Variants in HEATR3 observed in about 807,000 individuals in gnomAD.
HEATR3 encodes HEAT repeat-containing protein 3.
A neutral mutation model predicts 72.8 loss-of-function variants in HEATR3; 56 were observed. That is an observed-to-expected ratio of 0.77 (90% CI 0.62 to 0.96). HEATR3 has a LOEUF of 0.96. HEATR3 is among the 40% of genes least tolerant of loss of function. HEATR3 has a pLI of 0.00. For synonymous variants in HEATR3, 331 were observed against 318.1 expected, an observed-to-expected ratio of 1.04 and a Z score of -0.43; for missense variants, 747 against 831.4, an observed-to-expected ratio of 0.90 and a Z score of 1.25.
At chr16:50,103,230 C>G (rs1474635953) in intron 14 of HEATR3, among the ~76,000 whole-genome samples, 1 of 152,236 alleles carries the variant, frequency 6.6e-6, no homozygotes, top group Non-Finnish European at 1.5e-5. Flanking sequence ...AAACAGTGAA[C>G]TGGGAAAATA....
intron 12 of HEATR3, among the ~76,000 whole-genome samples, chr16:50,095,172 G>A (rs781412320): frequency 6.6e-6 from 1 of 150,888 alleles, no homozygotes; most frequent in Admixed American, 6.6e-5. Context: ...GGAGTGCAGT[G>A]GCATGATCTC....
intron 12 of HEATR3, 41 bp downstream of exon 12, chr16:50,094,834 T>C: frequency 7.8e-7 from 1 of 1,281,696 alleles, no homozygotes; most frequent in Non-Finnish European, 1.1e-6. Flanking sequence ...TTGTAAAGAT[T>C]GTGTATTATG....
rs576085304 is a variant in HEATR3, at chr16:50,094,578, T to G, written c.1511-127T>G. 3.6e-4 allele frequency: 195 copies of G among 536,750 alleles called. 1 individual carries two copies. Among genetic ancestry groups the G allele is most frequent in the East Asian group, 3.1e-3 (92 of 29,658 alleles). 33.2% of individuals were successfully genotyped at this position (536,750 alleles called of 1,614,324 possible). On this transcript the variant is annotated intron_variant, in intron 11 of 14. Coordinates refer to ENST00000299192, the MANE Select transcript of HEATR3 (RefSeq NM_182922.4). ...TTTGGCTTAAATATCGAGGGTTTTTTTTTGTTTGTTTGTTTTATTAAGAAT... is the reference window on the plus strand; with the variant it reads ...TTTGGCTTAAATATCGAGGGTTTTTGTTTGTTTGTTTGTTTTATTAAGAAT...
chr16:50,069,953 G>A (rs569766215), intron 3 of HEATR3, among the ~76,000 whole-genome samples: 1 of 152,262 alleles, frequency 6.6e-6, no homozygotes, highest in African/African-American at 2.4e-5. Flanking sequence ...GAAGGTGCTA[G>A]GTAGAAGCTC....
Position 50,078,954 on chromosome 16 carries a change from A to T in HEATR3, c.977A>T (p.Glu326Val). 1.2e-6 allele frequency: 2 copies of T among 1,613,984 alleles called. No homozygotes were observed. Among genetic ancestry groups the T allele is most frequent in the Non-Finnish European group, 1.7e-6 (2 of 1,179,962 alleles). ...TNGDDLIEDD[E>V]MEGISHKRRV... ...GGGGATGATTTGATTGAAGATGATG[A>T]AATGGAAGGAATTTCTCATAAAAGA... Residue 326 changes from glutamate to valine, a missense_variant, in exon 7 of 15, where the codon GAA (glutamate) becomes GTA (valine). By Grantham distance (121) the Glu-to-Val change is moderately radical (BLOSUM62 -2). This residue lies in a region of HEATR3 where 586 missense variants were observed against 708.8 expected (regional missense o/e 0.83). Coordinates refer to ENST00000299192, the MANE Select transcript of HEATR3 (RefSeq NM_182922.4).
intron 13 of HEATR3, 194 bp downstream of exon 13, chr16:50,100,567 A>G: frequency 1.9e-6 from 1 of 527,610 alleles, no homozygotes; most frequent in African/African-American, 2.0e-5. Context: ...AGTATTTGAA[A>G]AGTTGAGCCA....
chr16:50,090,997 T>C (rs1465181360), intron 11 of HEATR3, among the ~76,000 whole-genome samples: 1 of 151,470 alleles, frequency 6.6e-6, no homozygotes, highest in Non-Finnish European at 1.5e-5. Context: ...ATACGAAAAT[T>C]AGCTTGGCAT....
chr16:50,075,694 T>TCCATTG lies in HEATR3; in HGVS notation c.746_747insCCATTG (p.Leu249delinsPheHisTrp). The TCCATTG allele has an allele frequency of 6.2e-7, 1 of 1,613,040 alleles. No individual in the cohort carries two copies. The highest frequency in any genetic ancestry group is 8.5e-7 in the Non-Finnish European group (1 of 1,179,188). ...GTCAGTTCCATGGAATCTCTTCTAT[T>TCCATTG]GAAGACATTGGTAGCAGGTAAAATT... is the stretch of plus-strand genomic sequence containing the variant. On this transcript the variant is annotated protein_altering_variant, in exon 6 of 15. Coordinates refer to ENST00000299192, the MANE Select transcript of HEATR3 (RefSeq NM_182922.4).
intron 5 of HEATR3, chr16:50,075,033 C>G (rs1481198830): frequency 6.7e-6 from 1 of 149,978 alleles, no homozygotes; most frequent in African/African-American, 2.5e-5. Flanking sequence ...AAGTGTAGAT[C>G]TGGCTGGGCA....
In HEATR3 at chr16:50,066,142, G is replaced by A. The variant is rs370751954; in HGVS notation, c.11G>A (p.Ser4Asn). The A allele has an allele frequency of 9.4e-6, 15 of 1,596,310 alleles. No individual in the cohort carries two copies. The African/African-American group carries it at 1.9e-4, about 20-fold the overall frequency. Residue 4 changes from serine to asparagine, a missense_variant, in exon 1 of 15, where the codon AGC becomes AAC. Around this residue, in one of 2 missense-constraint regions of HEATR3, gnomAD observed 161 missense variants for 122.6 expected, o/e 1.31. Coordinates refer to ENST00000299192, the MANE Select transcript of HEATR3 (RefSeq NM_182922.4). ...CCAGCGCACGTCACCATGGGCAAGAGCCGGACGAAGCGCTTCAAGCGACCT... is the reference window on the plus strand; with the variant it reads ...CCAGCGCACGTCACCATGGGCAAGAACCGGACGAAGCGCTTCAAGCGACCT... MGK[S>N]RTKRFKRPQF...
At chr16:50,068,915 T>A (rs1458280110) in intron 3 of HEATR3, 48 bp downstream of exon 3, 1 of 1,386,378 alleles carries the variant, frequency 7.2e-7, no homozygotes, top group East Asian at 2.3e-5. Flanking sequence ...GGATGCAAAC[T>A]TAGACTTTTT....
chr16:50,095,172 G>C (rs781412320), intron 12 of HEATR3, among the ~76,000 whole-genome samples: 39 of 151,000 alleles, frequency 2.6e-4, no homozygotes, highest in Middle Eastern at 3.4e-3. Flanking sequence ...GGAGTGCAGT[G>C]GCATGATCTC....
intron 11 of HEATR3, among the ~76,000 whole-genome samples, chr16:50,087,158 G>A (rs958377088): frequency 6.6e-6 from 1 of 152,108 alleles, no homozygotes; most frequent in Non-Finnish European, 1.5e-5. Flanking sequence ...GTATAAGAGA[G>A]CGTGTGTATG....
chr16:50,074,906 CAG>C (rs2036690193), intron 5 of HEATR3: 1 of 151,914 alleles, frequency 6.6e-6, no homozygotes, highest in Non-Finnish European at 1.5e-5. Flanking sequence ...GGTGTGAACC[CAG>C]GAGGCGGAGC....
chr16:50,104,274 G>A (rs961408839), intron 14 of HEATR3, among the ~76,000 whole-genome samples: 28 of 152,150 alleles, frequency 1.8e-4, no homozygotes, highest in Admixed American at 4.6e-4. Context: ...GATCACTTGC[G>A]TCCGGGAGGT....
At chr16:50,096,319 CG>C (rs1301469075) in intron 12 of HEATR3, among the ~76,000 whole-genome samples, 1 of 72,382 alleles carries the variant, frequency 1.4e-5, no homozygotes, top group East Asian at 4.1e-4. Context: ...AGCAAGACTC[CG>C]TCTCAAAAAA....
chr16:50,076,214 T>G (rs577727265), intron 6 of HEATR3, among the ~76,000 whole-genome samples: 1 of 152,288 alleles, frequency 6.6e-6, no homozygotes, highest in South Asian at 2.1e-4. Context: ...TTTTATTGTT[T>G]TGAGATGGAG....
At chr16:50,101,601 C>CT (rs2037367204) in intron 13 of HEATR3, among the ~76,000 whole-genome samples, 1 of 152,194 alleles carries the variant, frequency 6.6e-6, no homozygotes, top group Non-Finnish European at 1.5e-5. Flanking sequence ...TTATTCTCAC[C>CT]TCCTGGATCA....
Position 50,066,455 on chromosome 16 carries a change from C to A in HEATR3, c.227C>A (p.Ala76Glu). ...VQQRPALPGL[A>E]RRDAVRRLGP... ...CAGCGGCCGGCACTCCCGGGCCTGGCGCGACGAGACGCCGTGCGCCGCCTC... is the reference window on the plus strand; with the variant it reads ...CAGCGGCCGGCACTCCCGGGCCTGGAGCGACGAGACGCCGTGCGCCGCCTC... Residue 76 changes from alanine to glutamate, a missense_variant, in exon 2 of 15, where the codon GCG becomes GAG. By Grantham distance (107) the Ala-to-Glu change is moderately radical. Coordinates refer to ENST00000299192, the MANE Select transcript of HEATR3 (RefSeq NM_182922.4). 1 of 1,371,662 alleles carries A rather than the reference C, an allele frequency of 7.3e-7. No homozygotes were observed. The highest frequency in any genetic ancestry group is 9.3e-7 in the Non-Finnish European group (1 of 1,070,190). 85.0% of individuals were successfully genotyped at this position (1,371,662 alleles called of 1,614,324 possible).
Sources: allele counts gnomAD v4.1 joint callset (sites outside exome capture counted in the v4.1 genomes callset), GRCh38; gene constraint gnomAD v4.1.1; regional missense constraint gnomAD v4.1.1; transcripts MANE v1.5; gene names NCBI Gene and HGNC (gene_info 2026-07-23, HGNC 2026-07-21).